KCNH5: variants seen among roughly 807,000 people sequenced by gnomAD.
KCNH5 encodes the protein potassium voltage-gated channel subfamily H member 5, also known as voltage-gated delayed rectifier potassium channel KCNH5.
In KCNH5, 46 loss-of-function variants were observed where a neutral mutation model predicts 96.1. The ratio of observed to expected loss-of-function variants is 0.48; its 90% CI spans 0.38 to 0.61. KCNH5 has a LOEUF of 0.61. KCNH5 is among the 20% of genes least tolerant of loss of function. The probability of loss-of-function intolerance (pLI) is 0.00; values close to 1 mark genes in which losing one functional copy is unlikely to be tolerated. For synonymous variants in KCNH5, 439 were observed against 449.8 expected (o/e 0.98, Z 0.30); for missense variants, 907 against 1,225.8 (o/e 0.74, Z 3.88).
intron 7 of KCNH5, among the ~76,000 whole-genome samples, chr14:62,896,588 T>C (rs1888817993): frequency 6.6e-6 from 1 of 152,222 alleles, no homozygotes; most frequent in African/African-American, 2.4e-5. Context: ...ACAATCAACG[T>C]AGCACATGTT....
chr14:62,806,211 CCT>C (rs1369145267), intron 8 of KCNH5, among the ~76,000 whole-genome samples: 2 of 152,222 alleles, frequency 1.3e-5, no homozygotes, highest in African/African-American at 4.8e-5. Flanking sequence ...TAACCCACCC[CCT>C]GTTTAGCATA....
chr14:62,883,122 T>C (rs958913420), intron 7 of KCNH5, among the ~76,000 whole-genome samples: 1 of 152,232 alleles, frequency 6.6e-6, no homozygotes, highest in Non-Finnish European at 1.5e-5. Flanking sequence ...GTTGCACTCA[T>C]CAATCTGGGA....
At chr14:63,022,824 C>T (rs1447258964) in intron 1 of KCNH5, among the ~76,000 whole-genome samples, 1 of 152,026 alleles carries the variant, frequency 6.6e-6, no homozygotes, top group Non-Finnish European at 1.5e-5. Context: ...AGGTTATATC[C>T]CTGTTATATA....
At chr14:62,906,830 A>G (rs942104587) in intron 7 of KCNH5, among the ~76,000 whole-genome samples, 1 of 152,128 alleles carries the variant, frequency 6.6e-6, no homozygotes, top group Non-Finnish European at 1.5e-5. Flanking sequence ...AGAAATGTAT[A>G]TATCTGTAAA....
chr14:62,813,025 T>A (rs1200090575), intron 8 of KCNH5, among the ~76,000 whole-genome samples: 1 of 152,150 alleles, frequency 6.6e-6, no homozygotes, highest in Non-Finnish European at 1.5e-5. Flanking sequence ...TAAATCAAGT[T>A]ACAACAAATA....
At chr14:62,885,207 T>C (rs1447490354) in intron 7 of KCNH5, among the ~76,000 whole-genome samples, 2 of 152,204 alleles carry the variant, frequency 1.3e-5, no homozygotes, top group Non-Finnish European at 2.9e-5. Context: ...AACCAAAACC[T>C]ACTAATGTTA....
At chr14:62,806,529 C>T (rs574195129) in intron 8 of KCNH5, among the ~76,000 whole-genome samples, 33 of 152,104 alleles carry the variant, frequency 2.2e-4, no homozygotes, top group East Asian at 3.9e-4. Flanking sequence ...ACAGAAGGGA[C>T]GATACTGAAG....
intron 2 of KCNH5, among the ~76,000 whole-genome samples, chr14:63,013,179 T>C (rs1891261533): frequency 6.6e-6 from 1 of 152,000 alleles, no homozygotes; most frequent in Admixed American, 6.6e-5. Context: ...CTCTTGATAT[T>C]ATAAAAACAC....
chr14:63,042,108 C>T (rs1891835514), intron 1 of KCNH5, among the ~76,000 whole-genome samples: 1 of 151,462 alleles, frequency 6.6e-6, no homozygotes, highest in South Asian at 2.1e-4. Flanking sequence ...ATTTCCCTTG[C>T]ATGTCCCATA....
intron 7 of KCNH5, among the ~76,000 whole-genome samples, chr14:62,912,153 G>A (rs1273025400): frequency 2.0e-5 from 3 of 151,794 alleles, no homozygotes; most frequent in Non-Finnish European, 4.4e-5. Flanking sequence ...GGGTTGTTAT[G>A]AGGATTACAT....
intron 7 of KCNH5, among the ~76,000 whole-genome samples, chr14:62,891,544 C>T (rs535102367): frequency 9.2e-5 from 14 of 152,124 alleles, no homozygotes; most frequent in African/African-American, 3.4e-4. Context: ...ATATGGACCC[C>T]CAAACCTAAA....
intron 6 of KCNH5, among the ~76,000 whole-genome samples, chr14:62,966,478 G>A (rs1890307213): frequency 6.6e-6 from 1 of 152,116 alleles, no homozygotes; most frequent in Admixed American, 6.6e-5. Context: ...GAGCCATCTT[G>A]ACTTAAAAGC....
At chr14:62,799,736 C>CAT (rs1886618767) in intron 9 of KCNH5, among the ~76,000 whole-genome samples, 2 of 118,112 alleles carry the variant, frequency 1.7e-5, no homozygotes, top group Non-Finnish European at 3.7e-5. Flanking sequence ...TACACACACA[C>CAT]ACACACACAT....
chr14:62,802,600 G>A lies in KCNH5; in HGVS notation c.1570-19C>T, dbSNP rs756953345. ...AGAGGACCTAAAGAAGGTGAGAGAT[G>A]AATAAGTGAAAAGGAAAGAGGAAGG... is the stretch of plus-strand genomic sequence containing the variant. On this transcript the variant is annotated intron_variant, in intron 8 of 10. Coordinates refer to ENST00000322893, the MANE Select transcript of KCNH5 (RefSeq NM_139318.5). 9 of 1,609,130 alleles carry A rather than the reference G, an allele frequency of 5.6e-6. No individual in the cohort carries two copies. Among genetic ancestry groups the A allele is most frequent in the African/African-American group, 1.3e-5 (1 of 74,868 alleles).
At chr14:62,954,933 C>T (rs952856710) in intron 6 of KCNH5, among the ~76,000 whole-genome samples, 6 of 152,032 alleles carry the variant, frequency 3.9e-5, no homozygotes, top group East Asian at 1.9e-4. Context: ...AACACCCCCA[C>T]GATTCAATTA....
intron 8 of KCNH5, among the ~76,000 whole-genome samples, chr14:62,829,631 A>T (rs1394212386): frequency 6.6e-6 from 1 of 152,200 alleles, no homozygotes; most frequent in Non-Finnish European, 1.5e-5. Flanking sequence ...CTGAGGCTGC[A>T]CAGAGCAGCA....
chr14:62,916,153 C>T (rs954582865), intron 7 of KCNH5, among the ~76,000 whole-genome samples: 3 of 152,036 alleles, frequency 2.0e-5, no homozygotes, highest in South Asian at 2.1e-4. Context: ...GGGGTTTTAC[C>T]GTGTTAGCCA....
chr14:62,723,857 T>A (rs1044109582), intron 10 of KCNH5, among the ~76,000 whole-genome samples: 6 of 152,222 alleles, frequency 3.9e-5, no homozygotes, highest in African/African-American at 1.2e-4. Flanking sequence ...TGAGCATGTG[T>A]TCACCCAGGT....
Position 63,032,458 on chromosome 14 carries a change from G to A in KCNH5, c.73+12656C>T, listed in dbSNP as rs376733479. Among the ~76,000 whole-genome samples the A allele has an allele frequency of 4.3e-4, 66 of 152,256 alleles. 5 individuals carry two copies. The South Asian group carries it at 5.2e-3, about 12-fold the overall frequency. ...TCAAAGAACACACATTCCAAAAATC[G>A]ATGCCTATGAAGGAAAATCTGAAGC... On this transcript the variant is annotated intron_variant, in intron 1 of 10. Coordinates refer to ENST00000322893, the MANE Select transcript of KCNH5 (RefSeq NM_139318.5).
Sources: gnomAD v4.1 joint callset for allele counts (sites outside exome capture counted in the v4.1 genomes callset) on GRCh38, gnomAD v4.1.1 for gene constraint, MANE v1.5 for transcripts, NCBI Gene and HGNC (gene_info 2026-07-23, HGNC 2026-07-21) for gene names.